Variants in VWA8 observed in about 807,000 individuals in gnomAD.
VWA8 encodes von Willebrand factor A domain containing 8, also known as von Willebrand factor A domain-containing protein 8.
A neutral mutation model predicts 241.5 loss-of-function variants in VWA8; 221 were observed. The ratio of observed to expected loss-of-function variants is 0.91; its 90% CI spans 0.82 to 1.02. VWA8 has a LOEUF of 1.02. Among genes scored for constraint, VWA8 ranks in the 50% least tolerant of loss-of-function variants. The pLI is 0.00. For synonymous variants in VWA8, 852 were observed against 827.1 expected (o/e 1.03, Z -0.52); for missense variants, 2,322 against 2,328.7 (o/e 1.00, Z 0.06).
chr13:41,944,108 A>AAATAATAATAAT lies in VWA8; in HGVS notation c.241+5816_241+5827dup, dbSNP rs3074010. On this transcript the variant is annotated intron_variant, in intron 2 of 44. Coordinates refer to ENST00000379310, the MANE Select transcript of VWA8 (RefSeq NM_015058.2). ...CGACAGAGCAAGACTCTGTCTCAAA[A>AAATAATAATAAT]AATAATAATAATAATAATAATAATA... 9.0e-4 allele frequency among the ~76,000 whole-genome samples: 132 copies of AAATAATAATAAT among 146,544 alleles called. 1 individual carries two copies. The highest frequency in any genetic ancestry group is 3.1e-3 in the African/African-American group (123 of 39,978).
chr13:41,594,157 C>T (rs372664574), intron 40 of VWA8, among the ~76,000 whole-genome samples: 66 of 151,444 alleles, frequency 4.4e-4, no homozygotes, highest in African/African-American at 1.4e-3. Flanking sequence ...TCTCTGACAC[C>T]CAGGCTGGAG....
At chr13:41,576,407 A>G (rs1006385533) in intron 42 of VWA8, among the ~76,000 whole-genome samples, 2 of 152,240 alleles carry the variant, frequency 1.3e-5, no homozygotes, top group South Asian at 4.1e-4. Context: ...TTCCCCCTCA[A>G]CAATCATGGG....
At chr13:41,787,115 GGAAAAA>G (rs1869229620) in intron 18 of VWA8, among the ~76,000 whole-genome samples, 1 of 147,788 alleles carries the variant, frequency 6.8e-6, no homozygotes, top group Admixed American at 7.0e-5. Context: ...AAATACATTT[GGAAAAA>G]GTACATTTCT....
At chr13:41,572,797 TA>T (rs869088660) in intron 43 of VWA8, among the ~76,000 whole-genome samples, 93 of 67,784 alleles carry the variant, frequency 1.4e-3, no homozygotes, top group East Asian at 5.3e-3. Context: ...CAATAAATAC[TA>T]AAAAAAAAAA....
At chr13:41,882,358 G>T (rs1321204262) in intron 9 of VWA8, among the ~76,000 whole-genome samples, 6 of 150,798 alleles carry the variant, frequency 4.0e-5, no homozygotes, top group African/African-American at 1.5e-4. Context: ...CGTCCCAGAC[G>T]ACGGGCGGCC....
chr13:41,730,237 A>G (rs983870048), intron 22 of VWA8, among the ~76,000 whole-genome samples: 2 of 152,194 alleles, frequency 1.3e-5, no homozygotes, highest in African/African-American at 4.8e-5. Flanking sequence ...TGAACAGTCT[A>G]TGCTGGCTGA....
rs1212633498 is a variant in VWA8, at chr13:41,568,127, T to G, written c.*70A>C. On this transcript the variant is annotated 3_prime_UTR_variant, in exon 45 of 45. Coordinates refer to ENST00000379310, the MANE Select transcript of VWA8 (RefSeq NM_015058.2). ...GGGTTCACTTCATCCATATCTTCTT[T>G]TTTTCAGAATACTCTTTATTCCTGT... 7 of 1,371,356 alleles carry G rather than the reference T, an allele frequency of 5.1e-6. No homozygotes were observed. Among genetic ancestry groups the G allele is most frequent in the Non-Finnish European group, 7.2e-6 (7 of 968,710 alleles). The allele number at this position is 1,371,356 out of a possible 1,614,324, so 84.9% of individuals were successfully genotyped here.
intron 12 of VWA8, among the ~76,000 whole-genome samples, chr13:41,836,407 G>A (rs1871731141): frequency 6.6e-6 from 1 of 152,112 alleles, no homozygotes; most frequent in Admixed American, 6.5e-5. Context: ...GCCCAATTAA[G>A]GTTAGGAGTC....
At chr13:41,893,656 AG>A (rs1214487711) in intron 4 of VWA8, among the ~76,000 whole-genome samples, 1 of 152,106 alleles carries the variant, frequency 6.6e-6, no homozygotes, top group Non-Finnish European at 1.5e-5. Flanking sequence ...GAGGCTGAGG[AG>A]GGTGGATCAC....
intron 37 of VWA8, among the ~76,000 whole-genome samples, chr13:41,643,409 A>G (rs1457496189): frequency 6.6e-6 from 1 of 152,178 alleles, no homozygotes; most frequent in African/African-American, 2.4e-5. Context: ...ATCTCTGAAT[A>G]GCTGTCACTT....
intron 18 of VWA8, 63 bp from the exon 19 acceptor site, chr13:41,783,964 C>G (rs759095169): frequency 3.1e-5 from 38 of 1,234,082 alleles, no homozygotes; most frequent in Non-Finnish European, 4.5e-5. Flanking sequence ...GCCAAGCCAC[C>G]CAACACAGAA....
At chr13:41,953,671 G>A (rs966906008) in intron 1 of VWA8, among the ~76,000 whole-genome samples, 3 of 152,086 alleles carry the variant, frequency 2.0e-5, no homozygotes, top group Non-Finnish European at 4.4e-5. Context: ...TGAGCGTGGT[G>A]GCTGGCACAT....
At chr13:41,583,467 C>G (rs2044396726) in intron 42 of VWA8, among the ~76,000 whole-genome samples, 1 of 151,918 alleles carries the variant, frequency 6.6e-6, no homozygotes, top group Admixed American at 6.6e-5. Context: ...TATGGTGAAA[C>G]CACTGTCTCT....
At position 41,643,736 on chromosome 13, in the gene VWA8, C is replaced by A. The variant is rs550123941; in HGVS notation, c.4611+27210G>T. On this transcript the variant is annotated intron_variant, in intron 37 of 44. Transcript: ENST00000379310. ...GCAGTGTGAGTGGAGCTGAAAGTCA[C>A]ACAATGCTCACATCACCAACACCAG... is the stretch of plus-strand genomic sequence containing the variant. 2.0e-5 allele frequency among the ~76,000 whole-genome samples: 3 copies of A among 152,230 alleles called. No homozygotes were observed. The South Asian group carries it at 6.2e-4, about 32-fold the overall frequency.
chr13:41,631,469 A>G (rs977903638), intron 37 of VWA8, among the ~76,000 whole-genome samples: 1 of 152,108 alleles, frequency 6.6e-6, no homozygotes, highest in Non-Finnish European at 1.5e-5. Flanking sequence ...TGGGCCTTAC[A>G]TGGACTCCCT....
rs200491196 is a variant in VWA8, at chr13:41,753,836, TAAAATAAAC to T, written c.2426+7283_2426+7291del. Reference sequence around the variant, plus strand: ...CATCACAAATCCATTGAAAGGAATCTAAAATAAACAAAGTAAAGATCTTAAGTGGATTAT... The same window carrying T: ...CATCACAAATCCATTGAAAGGAATCTAAAGTAAAGATCTTAAGTGGATTAT... On this transcript the variant is annotated intron_variant, in intron 21 of 44. Transcript: ENST00000379310. Among the ~76,000 whole-genome samples, 63 of 152,298 alleles carry T rather than the reference TAAAATAAAC, an allele frequency of 4.1e-4. No homozygotes were observed. In the East Asian group the frequency reaches 0.011, roughly 26 times the overall value.
intron 40 of VWA8, among the ~76,000 whole-genome samples, chr13:41,603,820 G>A (rs147347928): frequency 2.0e-3 from 304 of 152,240 alleles, no homozygotes; most frequent in African/African-American, 6.9e-3. Flanking sequence ...GACTCCTTAA[G>A]CACATGGGAA....
At chr13:41,931,180 T>A (rs1877095668) in intron 2 of VWA8, among the ~76,000 whole-genome samples, 1 of 149,180 alleles carries the variant, frequency 6.7e-6, no homozygotes. Flanking sequence ...AAAGAATATT[T>A]ATTATTCAGC....
At chr13:41,575,371 A>G (rs760856032) in intron 43 of VWA8, among the ~76,000 whole-genome samples, 11 of 152,150 alleles carry the variant, frequency 7.2e-5, no homozygotes, top group East Asian at 1.9e-4. Context: ...GAACTCATCC[A>G]TATAACCAAA....
Sources: allele counts gnomAD v4.1 joint callset (sites outside exome capture counted in the v4.1 genomes callset), GRCh38; gene constraint gnomAD v4.1.1; transcripts MANE v1.5; gene names NCBI Gene and HGNC (gene_info 2026-07-23, HGNC 2026-07-21).